Variants in ABCA13 observed in about 807,000 individuals in gnomAD.
The protein encoded by ABCA13 is ATP-binding cassette sub-family A member 13.
Under a neutral mutation model 478.7 loss-of-function variants are expected in ABCA13, and 476 were observed. The observed-to-expected ratio is 0.99, with a 90% CI of 0.92 to 1.07. The LOEUF is 1.07. Among genes scored for constraint, ABCA13 ranks in the 50% least tolerant of loss-of-function variants. ABCA13 has a pLI of 0.00. For synonymous variants in ABCA13, 2,252 were observed against 2,158.9 expected (o/e 1.04, Z -1.20); for missense variants, 6,060 against 5,910.6 (o/e 1.03, Z -0.83).
chr7:48,580,251 C>T lies in ABCA13; in HGVS notation c.14382C>T (p.Gly4794=), dbSNP rs1363087275. 1.2e-6 allele frequency: 2 copies of T among 1,610,856 alleles called. No individual in the cohort carries two copies. The highest frequency in any genetic ancestry group is 1.3e-5 in the African/African-American group (1 of 75,020). ...MGDAVDLSSA[G]TAGVLIGYCP... is the part of the protein sequence containing the mutation. Reference sequence around the variant, plus strand: ...ACGCCGTGGACCTGTCTTCTGCTGGCACGGCAGGCGTGCTCATTGGCTACT... The same window carrying T: ...ACGCCGTGGACCTGTCTTCTGCTGGTACGGCAGGCGTGCTCATTGGCTACT... The change falls in exon 56 of 62, where the codon GGC becomes GGT. Residue 4794 remains glycine (G), a synonymous_variant. Transcript: ENST00000435803.
intron 10 of ABCA13, 101 bp from the exon 11 acceptor site, chr7:48,244,475 C>G: frequency 1.4e-6 from 2 of 1,400,140 alleles, no homozygotes. Flanking sequence ...ACACACTTCT[C>G]AAAGCAGTGG....
intron 55 of ABCA13, among the ~76,000 whole-genome samples, chr7:48,567,230 T>C (rs1787160326): frequency 6.6e-6 from 1 of 152,184 alleles, no homozygotes; most frequent in Non-Finnish European, 1.5e-5. Context: ...AGAAAGACCT[T>C]TTCCATTGTT....
Position 48,276,491 on chromosome 7 carries a change from T to C in ABCA13, c.6825T>C (p.Phe2275=). 1 of 1,609,356 alleles carries C rather than the reference T, an allele frequency of 6.2e-7. No homozygotes were observed. Among genetic ancestry groups the C allele is most frequent in the Admixed American group, 1.7e-5 (1 of 59,022 alleles). Reference sequence around the variant, plus strand: ...TTTTGAAAACATTCTTCTCCCTTTTTCTAAAGGAAGATTCTGAGAACAAAA... The same window carrying C: ...TTTTGAAAACATTCTTCTCCCTTTTCCTAAAGGAAGATTCTGAGAACAAAA... The part of the protein sequence containing the change: ...EQFLKTFFSL[F]LKEDSENKIS... Residue 2275 remains phenylalanine (F), a synonymous_variant, in exon 17 of 62, where the codon TTT becomes TTC. Coordinates refer to ENST00000435803, the MANE Select transcript of ABCA13 (RefSeq NM_152701.5).
At chr7:48,234,203 A>T (rs1402717518) in intron 8 of ABCA13, 52 bp downstream of exon 8, 1 of 1,612,500 alleles carries the variant, frequency 6.2e-7, no homozygotes, top group Admixed American at 1.7e-5. Context: ...TGGAGACTGG[A>T]TCTAGAGCAT....
chr7:48,213,462 T>C (rs1785984395), intron 3 of ABCA13, among the ~76,000 whole-genome samples: 1 of 152,228 alleles, frequency 6.6e-6, no homozygotes, highest in Non-Finnish European at 1.5e-5. Context: ...CTCATGATCA[T>C]CTGAGCCTTC....
chr7:48,601,858 A>G (rs1297870014), intron 58 of ABCA13, among the ~76,000 whole-genome samples: 1 of 152,090 alleles, frequency 6.6e-6, no homozygotes, highest in Non-Finnish European at 1.5e-5. Flanking sequence ...AAGTGTTCCT[A>G]TTTCTCCACA....
At chr7:48,204,557 A>G (rs1057176527) in intron 3 of ABCA13, among the ~76,000 whole-genome samples, 2 of 152,124 alleles carry the variant, frequency 1.3e-5, no homozygotes, top group Non-Finnish European at 2.9e-5. Flanking sequence ...ACGTAACAGC[A>G]TTAGATTCGC....
At chr7:48,445,828 C>A (rs1824224076) in intron 42 of ABCA13, among the ~76,000 whole-genome samples, 1 of 152,148 alleles carries the variant, frequency 6.6e-6, no homozygotes, top group South Asian at 2.1e-4. Flanking sequence ...TCATAATAAA[C>A]CTGGAATATA....
At chr7:48,643,464 T>A (rs1586078268) in intron 60 of ABCA13, 71 bp downstream of exon 60, 33 of 1,350,216 alleles carry the variant, frequency 2.4e-5, no homozygotes, top group Non-Finnish European at 3.5e-5. Flanking sequence ...CTGTCTTTTT[T>A]TGTTTTTATT....
At chr7:48,466,648 T>C (rs11766842) in intron 43 of ABCA13, among the ~76,000 whole-genome samples, 28,987 of 152,146 alleles carry the variant, frequency 0.19, 3,258 homozygotes, top group African/African-American at 0.31. Flanking sequence ...AAAAACCATG[T>C]AAATATGTGA....
intron 48 of ABCA13, among the ~76,000 whole-genome samples, chr7:48,493,767 T>A (rs1585579775): frequency 6.6e-6 from 1 of 152,224 alleles, no homozygotes; most frequent in East Asian, 1.9e-4. Flanking sequence ...TATTGATTTA[T>A]GTTGCTTATC....
At chr7:48,386,154 A>C (rs757061765) in intron 35 of ABCA13, among the ~76,000 whole-genome samples, 1 of 152,196 alleles carries the variant, frequency 6.6e-6, no homozygotes, top group Middle Eastern at 3.2e-3. Flanking sequence ...TGCCATACAC[A>C]CACAAAATAT....
intron 3 of ABCA13, among the ~76,000 whole-genome samples, chr7:48,204,135 G>GGAGT (rs2128926934): frequency 6.8e-6 from 1 of 147,900 alleles, no homozygotes; most frequent in South Asian, 2.1e-4. Flanking sequence ...TTTCTGAGAC[G>GGAGT]GAGTTTCTTT....
chr7:48,309,619 G>T (rs1434235561), intron 23 of ABCA13, among the ~76,000 whole-genome samples: 1 of 152,138 alleles, frequency 6.6e-6, no homozygotes, highest in Non-Finnish European at 1.5e-5. Context: ...CTAACTACGG[G>T]GGTGGCATCG....
chr7:48,633,679 C>A (rs917442375), intron 59 of ABCA13, among the ~76,000 whole-genome samples: 1 of 150,958 alleles, frequency 6.6e-6, no homozygotes, highest in South Asian at 2.1e-4. Context: ...GAGTTTGAGA[C>A]CAGCCTGGCC....
At chr7:48,403,551 C>A in intron 38 of ABCA13, 132 bp from the exon 39 acceptor site, 1 of 882,200 alleles carries the variant, frequency 1.1e-6, no homozygotes, top group Non-Finnish European at 1.7e-6. Context: ...GTGTGTGTAG[C>A]ATCCACACCT....
At chr7:48,209,866 G>T (rs1785400538) in intron 3 of ABCA13, among the ~76,000 whole-genome samples, 1 of 151,924 alleles carries the variant, frequency 6.6e-6, no homozygotes, top group Admixed American at 6.6e-5. Flanking sequence ...ATTTATTTGG[G>T]TCTTCTCTGT....
intron 7 of ABCA13, among the ~76,000 whole-genome samples, chr7:48,230,179 C>CTAATA (rs1181224370): frequency 6.6e-6 from 1 of 152,122 alleles, no homozygotes; most frequent in Non-Finnish European, 1.5e-5. Flanking sequence ...GCAGTCATTG[C>CTAATA]TAATATAAAT....
At position 48,222,863 on chromosome 7, in the gene ABCA13, T is replaced by C. The variant is rs558469897; in HGVS notation, c.468+1554T>C. On this transcript the variant is annotated intron_variant, in intron 5 of 61. Coordinates refer to ENST00000435803, the MANE Select transcript of ABCA13 (RefSeq NM_152701.5). Reference sequence around the variant, plus strand: ...TGAGTTATGTTTTTGGAGGATTTCTTTGGACATTGTGTCAAGCAGAGACCG... The same window carrying C: ...TGAGTTATGTTTTTGGAGGATTTCTCTGGACATTGTGTCAAGCAGAGACCG... Among the ~76,000 whole-genome samples the C allele has an allele frequency of 2.1e-4, 32 of 152,104 alleles. No individual in the cohort carries two copies. In the East Asian group the frequency reaches 6.2e-3, roughly 29 times the overall value.
Sources: gnomAD v4.1 joint callset for allele counts (sites outside exome capture counted in the v4.1 genomes callset) on GRCh38, gnomAD v4.1.1 for gene constraint, MANE v1.5 for transcripts, NCBI Gene and HGNC (gene_info 2026-07-23, HGNC 2026-07-21) for gene names.